Variants in CUL5 observed in about 807,000 individuals in gnomAD.
The protein encoded by CUL5 is cullin 5.
CUL5 carries 26 observed loss-of-function variants against 108.8 expected under a neutral mutation model. That is an observed-to-expected ratio of 0.24 (90% CI 0.18 to 0.33). CUL5 has a LOEUF of 0.33. CUL5 is among the 10% of genes least tolerant of loss of function. The probability of loss-of-function intolerance (pLI) is 1.00; values close to 1 mark genes in which losing one functional copy is unlikely to be tolerated. For missense variants in CUL5, 524 were observed against 909.2 expected, an observed-to-expected ratio of 0.58 and a Z score of 5.45; for synonymous variants, 334 against 298.0, an observed-to-expected ratio of 1.12 and a Z score of -1.25.
chr11:108,063,344 C>A (rs1173816940), intron 7 of CUL5, among the ~76,000 whole-genome samples: 1 of 152,138 alleles, frequency 6.6e-6, no homozygotes, highest in African/African-American at 2.4e-5. Flanking sequence ...ACACAGTGTT[C>A]TCCAGTTTCA....
intron 1 of CUL5, among the ~76,000 whole-genome samples, chr11:108,017,389 C>A (rs1340822750): frequency 2.3e-3 from 232 of 102,854 alleles, no homozygotes; most frequent in South Asian, 3.2e-3. Context: ...GACCCTGTCT[C>A]AAAAAAAAAA....
rs1864784065 is a variant in CUL5 at position 108,105,751 on chromosome 11, A to G, written c.*1367A>G. On this transcript the variant is annotated 3_prime_UTR_variant, in exon 19 of 19. Coordinates refer to ENST00000393094, the MANE Select transcript of CUL5 (RefSeq NM_003478.6). ...CGTGGATTTTTATTCATTGTGGTGC[A>G]CGTTTCAAATTTTCTTGCAAATTAT... is the stretch of plus-strand genomic sequence containing the variant. 1 of 152,136 alleles carries G rather than the reference A, an allele frequency of 6.6e-6. No individual in the cohort carries two copies. Among genetic ancestry groups the G allele is most frequent in the African/African-American group, 2.4e-5 (1 of 41,452 alleles). The allele number at this position is 152,136 out of a possible 1,614,324, so 9.4% of individuals were successfully genotyped here.
chr11:108,055,631 A>G (rs1356764616), intron 7 of CUL5, among the ~76,000 whole-genome samples: 1 of 148,112 alleles, frequency 6.8e-6, no homozygotes, highest in African/African-American at 2.5e-5. Flanking sequence ...ATATATATAT[A>G]CTTTATCTTT....
In CUL5 at chr11:108,025,534, C is replaced by T. The variant is rs548495734; in HGVS notation, c.25-8268C>T. Among the ~76,000 whole-genome samples the T allele has an allele frequency of 1.4e-4, 22 of 152,270 alleles. 1 individual carries two copies. Among genetic ancestry groups the T allele is most frequent in the South Asian group, 8.3e-4 (4 of 4,822 alleles). On this transcript the variant is annotated intron_variant, in intron 1 of 18. Transcript: ENST00000393094. ...TCGGGGTAGGGCTACTTTGGCTCCA[C>T]TATAGACTCAATAACTTTCTGTGGA...
chr11:108,092,153 C>A (rs574915426), intron 13 of CUL5, among the ~76,000 whole-genome samples: 14 of 152,016 alleles, frequency 9.2e-5, no homozygotes, highest in Non-Finnish European at 1.6e-4. Context: ...AAAAAAAACA[C>A]AAAGAGATAC....
chr11:108,028,576 C>T (rs1205787075), intron 1 of CUL5, among the ~76,000 whole-genome samples: 1 of 152,174 alleles, frequency 6.6e-6, no homozygotes, highest in Non-Finnish European at 1.5e-5. Context: ...CGGTGGATCA[C>T]ACCTGTAATC....
intron 16 of CUL5, among the ~76,000 whole-genome samples, chr11:108,096,385 G>A (rs1864495932): frequency 6.7e-6 from 1 of 150,314 alleles, no homozygotes; most frequent in East Asian, 2.0e-4. Flanking sequence ...CCAGCTACTT[G>A]GAAGGCTGAG....
rs77346989 is a variant in CUL5 at position 108,083,165 on chromosome 11, T to C, written c.1178+4925T>C. On this transcript the variant is annotated intron_variant, in intron 11 of 18. Coordinates refer to ENST00000393094, the MANE Select transcript of CUL5 (RefSeq NM_003478.6). ...ATGGCAGGGGTGAATTCAGGCATCC[T>C]TGTCTTATTCCTGATTTTAGGGTGC... Among the ~76,000 whole-genome samples the C allele has an allele frequency of 1.0e-2, 1,522 of 152,318 alleles. 32 individuals carry two copies. The highest frequency in any genetic ancestry group is 0.035 in the African/African-American group (1,450 of 41,562).
At chr11:108,009,574 C>T (rs1258417336) in intron 1 of CUL5, among the ~76,000 whole-genome samples, 1 of 151,792 alleles carries the variant, frequency 6.6e-6, no homozygotes, top group African/African-American at 2.4e-5. Context: ...TCGCTCCCGC[C>T]GACTGGCCGC....
chr11:108,094,002 TG>T (rs1457009078), intron 13 of CUL5, among the ~76,000 whole-genome samples: 2 of 152,378 alleles, frequency 1.3e-5, no homozygotes, highest in African/African-American at 4.8e-5. Flanking sequence ...TAATAGATTT[TG>T]AAAGAAGTAT....
chr11:108,016,915 A>T (rs757841984), intron 1 of CUL5, among the ~76,000 whole-genome samples: 3 of 152,238 alleles, frequency 2.0e-5, no homozygotes, highest in Non-Finnish European at 4.4e-5. Context: ...ATTTGAGGCC[A>T]GGAGTTGGAG....
At chr11:108,045,886 A>T (rs544236989) in intron 2 of CUL5, among the ~76,000 whole-genome samples, 4 of 152,310 alleles carry the variant, frequency 2.6e-5, no homozygotes, top group East Asian at 3.9e-4. Context: ...AAAAATTTTT[A>T]AAAATAATTA....
chr11:108,060,951 C>T (rs559968939), intron 7 of CUL5, among the ~76,000 whole-genome samples: 1 of 152,168 alleles, frequency 6.6e-6, no homozygotes, highest in East Asian at 1.9e-4. Context: ...TGTTTTATAG[C>T]AGGCATTATT....
At chr11:108,079,569 A>C (rs777857127) in intron 11 of CUL5, among the ~76,000 whole-genome samples, 2 of 152,218 alleles carry the variant, frequency 1.3e-5, no homozygotes, top group Non-Finnish European at 1.5e-5. Context: ...ACACTTCAGC[A>C]TACAGTCATT....
chr11:108,102,025 A>G (rs1408790211), intron 18 of CUL5, among the ~76,000 whole-genome samples: 1 of 151,588 alleles, frequency 6.6e-6, no homozygotes, highest in Non-Finnish European at 1.5e-5. Context: ...ATTTTTGTTT[A>G]TTTTATTTTA....
chr11:108,054,743 A>T lies in CUL5; in HGVS notation c.650A>T (p.Gln217Leu). 1 of 1,611,888 alleles carries T rather than the reference A, an allele frequency of 6.2e-7. No individual in the cohort carries two copies. ...TCAACAGAGAGATTTTATAGAACAC[A>T]AGCACCCTCGTATTTACAACAAAAT... Reference protein sequence around the residue: ...LDSTERFYRTQAPSYLQQNGV... With the variant: ...LDSTERFYRTLAPSYLQQNGV... Residue 217 changes from glutamine (Q) to leucine (L), a missense_variant, in exon 6 of 19, where the codon CAA becomes CTA. Physicochemically the swap from Gln to Leu is moderately radical, Grantham distance 113. Around this residue, in one of 8 missense-constraint regions of CUL5, gnomAD observed 170 missense variants for 305.1 expected, o/e 0.56. Transcript: ENST00000393094.
intron 1 of CUL5, among the ~76,000 whole-genome samples, chr11:108,010,750 C>G (rs983184397): frequency 2.0e-5 from 3 of 152,192 alleles, no homozygotes; most frequent in Non-Finnish European, 4.4e-5. Flanking sequence ...ACCCATCCCA[C>G]TCTGCTTTTC....
rs114960880 is a variant in CUL5, at chr11:108,052,503, C to A, written c.412-157C>A. 1.0e-2 allele frequency among the ~76,000 whole-genome samples: 1,517 copies of A among 152,224 alleles called. 33 individuals carry two copies. The highest frequency in any genetic ancestry group is 0.035 in the African/African-American group (1,446 of 41,512). ...TCTTGAACTCATAGACTCCAGCGAT[C>A]CACCTGCCTCGGCCTCCCAAATTGT... is the stretch of plus-strand genomic sequence containing the variant. On this transcript the variant is annotated intron_variant, in intron 4 of 18. Transcript: ENST00000393094.
intron 7 of CUL5, 104 bp from the exon 8 acceptor site, chr11:108,069,992 T>C: frequency 1.6e-6 from 1 of 643,794 alleles, no homozygotes; most frequent in African/African-American, 1.8e-5. Flanking sequence ...CTACTTTCAG[T>C]ATAATTTTTT....
Sources: gnomAD v4.1 joint callset for allele counts (sites outside exome capture counted in the v4.1 genomes callset) on GRCh38, gnomAD v4.1.1 for gene constraint, gnomAD v4.1.1 regional missense constraint, MANE v1.5 for transcripts, NCBI Gene and HGNC (gene_info 2026-07-23, HGNC 2026-07-21) for gene names.